Variants in PPHLN1 observed in about 807,000 individuals in gnomAD.
The protein encoded by PPHLN1 is periphilin 1.
Under a neutral mutation model 51.3 loss-of-function variants are expected in PPHLN1, and 29 were observed. The observed-to-expected ratio is 0.57, with a 90% confidence interval of 0.42 to 0.77. The LOEUF (loss-of-function observed/expected upper bound fraction) is 0.77. PPHLN1 is among the 30% of genes least tolerant of loss of function. The probability of loss-of-function intolerance (pLI) is 0.00; values close to 1 mark genes in which losing one functional copy is unlikely to be tolerated. For synonymous variants in PPHLN1, 147 were observed against 147.8 expected, an observed-to-expected ratio of 0.99 and a Z score of 0.04; for missense variants, 436 against 438.4, an observed-to-expected ratio of 0.99 and a Z score of 0.05.
intron 8 of PPHLN1, among the ~76,000 whole-genome samples, chr12:42,396,237 A>G (rs939874558): frequency 2.0e-5 from 3 of 152,172 alleles, no homozygotes; most frequent in African/African-American, 7.2e-5. Flanking sequence ...TGCATAATTT[A>G]CCAAACTTTT....
At chr12:42,346,390 T>C (rs1386975291) in intron 2 of PPHLN1, among the ~76,000 whole-genome samples, 1 of 152,190 alleles carries the variant, frequency 6.6e-6, no homozygotes, top group Non-Finnish European at 1.5e-5. Context: ...TTCGGGTATA[T>C]CCATGTGTTG....
intron 9 of PPHLN1, among the ~76,000 whole-genome samples, chr12:42,404,305 G>A (rs2079094769): frequency 6.6e-6 from 1 of 152,132 alleles, no homozygotes; most frequent in Non-Finnish European, 1.5e-5. Context: ...CAGGCGGGTG[G>A]ATCACTTGAG....
intron 2 of PPHLN1, among the ~76,000 whole-genome samples, chr12:42,349,044 T>C (rs376133023): frequency 1.3e-5 from 2 of 152,208 alleles, no homozygotes; most frequent in East Asian, 3.8e-4. Flanking sequence ...AACTACTGAT[T>C]TTATTTTTTC....
chr12:42,374,679 C>A, intron 4 of PPHLN1, 184 bp from the exon 5 acceptor site: 1 of 411,534 alleles, frequency 2.4e-6, no homozygotes, highest in Non-Finnish European at 4.4e-6. Context: ...TGGTCTCCAT[C>A]TCCTGACCTC....
intron 9 of PPHLN1, among the ~76,000 whole-genome samples, chr12:42,437,474 C>G (rs908468166): frequency 6.6e-6 from 1 of 152,048 alleles, no homozygotes; most frequent in African/African-American, 2.4e-5. Context: ...GTTAAGAAAC[C>G]TTTTTTTCTT....
intron 1 of PPHLN1, among the ~76,000 whole-genome samples, chr12:42,331,330 G>T (rs535682308): frequency 6.6e-6 from 1 of 152,354 alleles, no homozygotes; most frequent in East Asian, 1.9e-4. Flanking sequence ...AGCCTAAGTT[G>T]CTACTATAAC....
At chr12:42,396,668 T>G (rs1482033070) in intron 8 of PPHLN1, among the ~76,000 whole-genome samples, 1 of 135,908 alleles carries the variant, frequency 7.4e-6, no homozygotes, top group East Asian at 2.4e-4. Context: ...GGTGGCCGCT[T>G]AGTCCCAGCT....
At chr12:42,392,197 CAG>C (rs2077787107) in intron 7 of PPHLN1, among the ~76,000 whole-genome samples, 1 of 152,180 alleles carries the variant, frequency 6.6e-6, no homozygotes, top group Non-Finnish European at 1.5e-5. Flanking sequence ...GCCTGGGTGA[CAG>C]AGTGAGACTG....
At chr12:42,407,753 T>C (rs2079441410) in intron 9 of PPHLN1, among the ~76,000 whole-genome samples, 1 of 152,250 alleles carries the variant, frequency 6.6e-6, no homozygotes, top group Non-Finnish European at 1.5e-5. Flanking sequence ...TAATACCTAA[T>C]GCAATGTAAT....
chr12:42,435,842 T>G (rs1051934411), intron 9 of PPHLN1, among the ~76,000 whole-genome samples: 4 of 152,200 alleles, frequency 2.6e-5, no homozygotes, highest in Admixed American at 2.0e-4. Flanking sequence ...CTTTCCCTTC[T>G]TTTTACTCCT....
intron 5 of PPHLN1, among the ~76,000 whole-genome samples, chr12:42,383,158 A>T (rs7299386): frequency 0.037 from 5,589 of 152,288 alleles, 347 homozygotes; most frequent in African/African-American, 0.13. Flanking sequence ...GTGTCTCTGA[A>T]GTTTGGAATC....
At chr12:42,342,402 G>A (rs916490552) in intron 2 of PPHLN1, among the ~76,000 whole-genome samples, 5 of 152,186 alleles carry the variant, frequency 3.3e-5, no homozygotes, top group African/African-American at 9.7e-5. Context: ...TTACAGGCAT[G>A]AGGCACCATG....
intron 4 of PPHLN1, among the ~76,000 whole-genome samples, chr12:42,371,631 T>C (rs2075815051): frequency 6.6e-6 from 1 of 152,238 alleles, no homozygotes; most frequent in South Asian, 2.1e-4. Flanking sequence ...AAATCTATGC[T>C]GTCCAATATG....
At chr12:42,434,776 C>A (rs1459442423) in intron 9 of PPHLN1, among the ~76,000 whole-genome samples, 1 of 152,236 alleles carries the variant, frequency 6.6e-6, no homozygotes, top group Non-Finnish European at 1.5e-5. Context: ...TCACTGCAAC[C>A]TTGGTCTCCC....
intron 9 of PPHLN1, among the ~76,000 whole-genome samples, chr12:42,406,543 GTT>G (rs930408789): frequency 1.4e-4 from 22 of 152,296 alleles, no homozygotes; most frequent in African/African-American, 4.6e-4. Context: ...GCTGAGGACT[GTT>G]TCCTGTGGTT....
At chr12:42,356,124 G>A (rs2074024715) in intron 4 of PPHLN1, among the ~76,000 whole-genome samples, 1 of 152,152 alleles carries the variant, frequency 6.6e-6, no homozygotes, top group Non-Finnish European at 1.5e-5. Context: ...GTTGTAAAAG[G>A]AGCCTTGTAG....
chr12:42,335,441 A>G (rs977315341), intron 1 of PPHLN1, among the ~76,000 whole-genome samples: 4 of 152,174 alleles, frequency 2.6e-5, no homozygotes, highest in Non-Finnish European at 5.9e-5. Context: ...TATTAAATGA[A>G]GACTGTAGAA....
chr12:42,340,792 G>A (rs2071364001), intron 2 of PPHLN1, among the ~76,000 whole-genome samples: 2 of 152,004 alleles, frequency 1.3e-5, no homozygotes, highest in South Asian at 4.2e-4. Context: ...TATATGTATG[G>A]CATACCTCAA....
chr12:42,337,887 G>A (rs1468625514), intron 2 of PPHLN1, among the ~76,000 whole-genome samples: 2 of 151,810 alleles, frequency 1.3e-5, no homozygotes, highest in African/African-American at 4.8e-5. Flanking sequence ...GGATTCAAGC[G>A]ATTCTCCTGC....
Sources: gnomAD v4.1 joint callset for allele counts (sites outside exome capture counted in the v4.1 genomes callset) on GRCh38, gnomAD v4.1.1 for gene constraint, MANE v1.5 for transcripts, NCBI Gene and HGNC (gene_info 2026-07-23, HGNC 2026-07-21) for gene names.